The following PPP2R2A variants were observed in gnomAD, a reference collection of about 807,000 sequenced individuals.
The protein encoded by PPP2R2A is serine/threonine-protein phosphatase 2A 55 kDa regulatory subunit B alpha isoform.
PPP2R2A carries 9 observed loss-of-function variants against 53.2 expected under a neutral mutation model. The ratio of observed to expected loss-of-function variants is 0.17; its 90% CI spans 0.10 to 0.30. The LOEUF is 0.30. Ranked by LOEUF, PPP2R2A falls within the 10% of genes least tolerant of loss-of-function variation. The pLI, the probability that PPP2R2A is intolerant of heterozygous loss-of-function variation, is 1.00. For synonymous variants in PPP2R2A, 169 were observed against 174.2 expected (o/e 0.97, Z 0.23); for missense variants, 235 against 534.6 (o/e 0.44, Z 5.53).
intron 2 of PPP2R2A, among the ~76,000 whole-genome samples, chr8:26,312,983 C>T (rs1802361863): frequency 6.6e-6 from 1 of 151,910 alleles, no homozygotes; most frequent in Non-Finnish European, 1.5e-5. Context: ...CATCTTGATC[C>T]ACTTTCCCAA....
intron 2 of PPP2R2A, among the ~76,000 whole-genome samples, chr8:26,328,095 A>C (rs1256548062): frequency 6.6e-6 from 1 of 152,192 alleles, no homozygotes; most frequent in African/African-American, 2.4e-5. Context: ...CATATGTTAA[A>C]ATTTCTGAGT....
Position 26,356,286 on chromosome 8 carries a change from G to A in PPP2R2A, c.346+1653G>A, listed in dbSNP as rs147970070. On this transcript the variant is annotated intron_variant, in intron 4 of 9. Transcript: ENST00000380737. ...GTCCACAGTATTAGTTCTTAGAAAT[G>A]CTGTTCACAAATGCCTGATGGCCAT... Among the ~76,000 whole-genome samples the A allele has an allele frequency of 1.9e-3, 287 of 152,300 alleles. 1 individual carries two copies. The highest frequency in any genetic ancestry group is 6.8e-3 in the Middle Eastern group (2 of 294).
intron 2 of PPP2R2A, among the ~76,000 whole-genome samples, chr8:26,319,916 T>A (rs941384071): frequency 1.3e-5 from 2 of 152,206 alleles, no homozygotes; most frequent in African/African-American, 4.8e-5. Context: ...TTCATTTTGA[T>A]GCTACTGTGA....
In PPP2R2A at chr8:26,371,019, AT is replaced by A. The variant is rs1252429816; in HGVS notation, c.*607del. 1 of 152,604 alleles carries A rather than the reference AT, an allele frequency of 6.6e-6. No homozygotes were observed. Among genetic ancestry groups the A allele is most frequent in the African/African-American group, 2.4e-5 (1 of 41,376 alleles). 9.5% of individuals were successfully genotyped at this position (152,604 alleles called of 1,614,324 possible). Reference sequence around the variant, plus strand: ...GGGGTCAGTGGTATAAAGGGGGTATATGTTGCAAACAAATGTTTTAGTAACA... The same window carrying A: ...GGGGTCAGTGGTATAAAGGGGGTATAGTTGCAAACAAATGTTTTAGTAACA... On this transcript the variant is annotated 3_prime_UTR_variant, in exon 10 of 10. Coordinates refer to ENST00000380737, the MANE Select transcript of PPP2R2A (RefSeq NM_002717.4).
At chr8:26,304,055 T>C (rs1801906318) in intron 2 of PPP2R2A, among the ~76,000 whole-genome samples, 1 of 152,260 alleles carries the variant, frequency 6.6e-6, no homozygotes, top group Admixed American at 6.5e-5. Flanking sequence ...TAAGAACTTC[T>C]GCTCTAATCT....
In PPP2R2A at chr8:26,291,677, T is replaced by TTCC; in HGVS notation, c.-143_-142insTCC. 2 of 451,624 alleles carry TTCC rather than the reference T, an allele frequency of 4.4e-6. No individual in the cohort carries two copies. 28.0% of individuals were successfully genotyped at this position (451,624 alleles called of 1,614,324 possible). A position where few individuals can be genotyped will look rare whatever the true frequency, so the allele number is the denominator to read the frequency against. On this transcript the variant is annotated 5_prime_UTR_variant, in exon 1 of 10. Coordinates refer to ENST00000380737, the MANE Select transcript of PPP2R2A (RefSeq NM_002717.4). ...TGGTCTGCCCGCCCCTCCTTCCTTT[T>TTCC]CCCCCCGGCCCCCGTCCCCTCCCCC...
In PPP2R2A at chr8:26,360,857, G is replaced by A; in HGVS notation, c.460-117G>A. The A allele has an allele frequency of 2.1e-6, 2 of 970,072 alleles. No individual in the cohort carries two copies. The highest frequency in any genetic ancestry group is 3.0e-6 in the Non-Finnish European group (2 of 675,524). 60.1% of individuals were successfully genotyped at this position (970,072 alleles called of 1,614,324 possible). On this transcript the variant is annotated intron_variant, in intron 5 of 9. Coordinates refer to ENST00000380737, the MANE Select transcript of PPP2R2A (RefSeq NM_002717.4). The surrounding 1 kb of genome is among the most constrained non-coding windows in gnomAD (Gnocchi z 4.5). ...AGTTGCTTTTTAAAACTAAATCTAT[G>A]TAATATTGTTCTATTTTATGTTCTC...
chr8:26,372,073 G>A lies in PPP2R2A; in HGVS notation c.*1660G>A, dbSNP rs1007568395. 1 of 152,148 alleles carries A rather than the reference G, an allele frequency of 6.6e-6. No individual in the cohort carries two copies. Among genetic ancestry groups the A allele is most frequent in the African/African-American group, 2.4e-5 (1 of 41,420 alleles). The allele number at this position is 152,148 out of a possible 1,614,324, so 9.4% of individuals were successfully genotyped here. On this transcript the variant is annotated 3_prime_UTR_variant, in exon 10 of 10. Transcript: ENST00000380737. ...TGAAAAAGAATTCAACGAGCCGACC[G>A]TGATTCCCTCTACTACAAATATTAT...
chr8:26,342,393 G>A (rs191089410), intron 3 of PPP2R2A, among the ~76,000 whole-genome samples: 1 of 152,346 alleles, frequency 6.6e-6, no homozygotes, highest in East Asian at 1.9e-4. Flanking sequence ...GTTTTGAGGA[G>A]AAGAGTCCAA....
Position 26,371,407 on chromosome 8 carries a change from ATT to A in PPP2R2A, c.*996_*997del, listed in dbSNP as rs1805663670. 1 of 135,120 alleles carries A rather than the reference ATT, an allele frequency of 7.4e-6. No homozygotes were observed. The allele number at this position is 135,120 out of a possible 1,614,324, so 8.4% of individuals were successfully genotyped here. ...AGGGTATTGGATACATTGTGTCTCT[ATT>A]TAACTCATTATGTGTTAATGAAATT... On this transcript the variant is annotated 3_prime_UTR_variant, in exon 10 of 10. Coordinates refer to ENST00000380737, the MANE Select transcript of PPP2R2A (RefSeq NM_002717.4).
At chr8:26,294,922 AAG>A (rs897933506) in intron 2 of PPP2R2A, among the ~76,000 whole-genome samples, 1 of 152,188 alleles carries the variant, frequency 6.6e-6, no homozygotes, top group African/African-American at 2.4e-5. Flanking sequence ...CCAGAAACAA[AAG>A]AGACTGACTG....
intron 4 of PPP2R2A, among the ~76,000 whole-genome samples, chr8:26,356,789 C>A (rs1172769122): frequency 2.0e-5 from 3 of 152,120 alleles, no homozygotes; most frequent in African/African-American, 7.2e-5. Context: ...AGGCTGAGTT[C>A]AAGAGAATAG....
At chr8:26,329,977 T>C (rs1803284844) in intron 2 of PPP2R2A, among the ~76,000 whole-genome samples, 1 of 152,174 alleles carries the variant, frequency 6.6e-6, no homozygotes, top group South Asian at 2.1e-4. Context: ...CTGCATACAG[T>C]GTCATCATAC....
intron 4 of PPP2R2A, among the ~76,000 whole-genome samples, chr8:26,357,060 A>G (rs1202159849): frequency 1.3e-5 from 2 of 152,230 alleles, no homozygotes; most frequent in African/African-American, 4.8e-5. Flanking sequence ...TTAATAATAG[A>G]GTCCAATGTG....
At chr8:26,344,351 T>G (rs144267204) in intron 3 of PPP2R2A, among the ~76,000 whole-genome samples, 1 of 152,226 alleles carries the variant, frequency 6.6e-6, no homozygotes, top group Non-Finnish European at 1.5e-5. Context: ...CTGTGTAAAT[T>G]TGGATGAGTA....
intron 3 of PPP2R2A, among the ~76,000 whole-genome samples, chr8:26,347,059 T>G (rs1018215516): frequency 2.6e-5 from 4 of 152,226 alleles, no homozygotes; most frequent in African/African-American, 7.2e-5. Context: ...ATTCCCAAAG[T>G]TATCCTGTCC....
At position 26,360,916 on chromosome 8, in the gene PPP2R2A, A is replaced by G; in HGVS notation, c.460-58A>G. The G allele has an allele frequency of 6.8e-7, 1 of 1,476,342 alleles. No homozygotes were observed. Among genetic ancestry groups the G allele is most frequent in the Admixed American group, 2.4e-5 (1 of 40,826 alleles). 91.5% of individuals were successfully genotyped at this position (1,476,342 alleles called of 1,614,324 possible). A position where few individuals can be genotyped will look rare whatever the true frequency, so the allele number is the denominator to read the frequency against. Reference sequence around the variant, plus strand: ...AAATAATGAAGTTTTCTGAATCTTAATTGCTATTTGAAACTGAGCCTTTTG... The same window carrying G: ...AAATAATGAAGTTTTCTGAATCTTAGTTGCTATTTGAAACTGAGCCTTTTG... On this transcript the variant is annotated intron_variant, in intron 5 of 9. Coordinates refer to ENST00000380737, the MANE Select transcript of PPP2R2A (RefSeq NM_002717.4). This position sits in a 1 kb window ranked among gnomAD's most constrained non-coding sequence, Gnocchi z 4.5.
At chr8:26,368,355 ATAAT>A (rs1770114679) in intron 9 of PPP2R2A, among the ~76,000 whole-genome samples, 1 of 152,194 alleles carries the variant, frequency 6.6e-6, no homozygotes, top group Non-Finnish European at 1.5e-5. Context: ...ATTTACAATA[ATAAT>A]TTGAACCATT....
intron 1 of PPP2R2A, chr8:26,293,082 T>C (rs1801379002): frequency 1.7e-6 from 1 of 584,078 alleles, no homozygotes; most frequent in Non-Finnish European, 2.8e-6. Context: ...CAGAACAAGC[T>C]TCCTTTGACA....
Sources: allele counts gnomAD v4.1 joint callset (sites outside exome capture counted in the v4.1 genomes callset), GRCh38; gene constraint gnomAD v4.1.1; non-coding constraint Gnocchi (gnomAD v3.1); transcripts MANE v1.5; gene names NCBI Gene and HGNC (gene_info 2026-07-23, HGNC 2026-07-21).